Variants in TMEM45A observed in about 807,000 individuals in gnomAD.
TMEM45A encodes transmembrane protein 45A, also known as DNA polymerase-transactivated protein 4.
In TMEM45A, 25 loss-of-function variants were observed where a neutral mutation model predicts 32.0. The observed-to-expected ratio is 0.78, with a 90% confidence interval of 0.57 to 1.09. TMEM45A has a LOEUF of 1.09. Among genes scored for constraint, TMEM45A ranks in the 50% least tolerant of loss-of-function variants. TMEM45A has a pLI of 0.00. For missense variants in TMEM45A, 302 were observed against 325.0 expected, an observed-to-expected ratio of 0.93 and a Z score of 0.54; for synonymous variants, 122 against 114.8, an observed-to-expected ratio of 1.06 and a Z score of -0.40.
rs1010927416 is a variant in TMEM45A, at chr3:100,519,705, G to A, written c.-4+26777G>A. On this transcript the variant is annotated intron_variant, in intron 1 of 5. Coordinates refer to ENST00000323523, the MANE Select transcript of TMEM45A (RefSeq NM_018004.3). ...GACCTAGTTTGAACCTGACTGTACC[G>A]TGTATTTATGACATTGTGCAAGTAA... is the stretch of plus-strand genomic sequence containing the variant. 97 of 1,237,492 alleles carry A rather than the reference G, an allele frequency of 7.8e-5. No homozygotes were observed. The Admixed American group carries it at 1.3e-3, about 16-fold the overall frequency. 76.7% of individuals were successfully genotyped at this position (1,237,492 alleles called of 1,614,324 possible).
chr3:100,524,829 C>G (rs1705510391), intron 1 of TMEM45A, among the ~76,000 whole-genome samples: 2 of 152,114 alleles, frequency 1.3e-5, no homozygotes, highest in Non-Finnish European at 2.9e-5. Flanking sequence ...AAATGACAGT[C>G]TTGCTTTTAA....
At chr3:100,545,497 T>A (rs1705964553) in intron 1 of TMEM45A, among the ~76,000 whole-genome samples, 1 of 152,208 alleles carries the variant, frequency 6.6e-6, no homozygotes, top group Non-Finnish European at 1.5e-5. Flanking sequence ...CAATGTCTCC[T>A]GCATGTTCCT....
intron 2 of TMEM45A, 38 bp downstream of exon 2, chr3:100,555,439 G>A (rs1361954317): frequency 2.6e-6 from 4 of 1,536,480 alleles, no homozygotes; most frequent in Admixed American, 2.0e-5. Context: ...TTACCTTTTA[G>A]GTGTTTTCAT....
At chr3:100,518,965 T>A (rs1271253784) in intron 1 of TMEM45A, 1 of 152,770 alleles carries the variant, frequency 6.5e-6, no homozygotes, top group African/African-American at 2.4e-5. Context: ...AATCTGCTAA[T>A]GGTGACTCAG....
chr3:100,572,632 T>C (rs1353066396), intron 5 of TMEM45A: 2 of 152,262 alleles, frequency 1.3e-5, no homozygotes, highest in East Asian at 3.9e-4. Flanking sequence ...ATTTTGTCTT[T>C]TGTTGCCATT....
rs1237955826 is a variant in TMEM45A, at chr3:100,566,838, T to G, written c.589-1984T>G. ...CTTGAAGTCCTTTGCCCATTAAAAT[T>G]TTTTGTTGTTGTTAAGTTTTAGGAA... On this transcript the variant is annotated intron_variant, in intron 4 of 5. Transcript: ENST00000323523. 2.0e-5 allele frequency among the ~76,000 whole-genome samples: 3 copies of G among 152,100 alleles called. No individual in the cohort carries two copies. In the East Asian group the frequency reaches 5.8e-4, roughly 29 times the overall value.
intron 1 of TMEM45A, among the ~76,000 whole-genome samples, chr3:100,554,195 A>T (rs1706167811): frequency 1.3e-5 from 2 of 151,412 alleles, no homozygotes; most frequent in South Asian, 4.2e-4. Context: ...TTTTAATAGC[A>T]GGGACCAAAA....
intron 1 of TMEM45A, among the ~76,000 whole-genome samples, chr3:100,512,196 T>C (rs896120890): frequency 6.6e-6 from 1 of 152,152 alleles, no homozygotes; most frequent in African/African-American, 2.4e-5. Flanking sequence ...ACACCACACC[T>C]ATTTCAAAAT....
chr3:100,537,204 T>C (rs1394054325), intron 1 of TMEM45A, among the ~76,000 whole-genome samples: 2 of 152,078 alleles, frequency 1.3e-5, no homozygotes, highest in Admixed American at 1.3e-4. Flanking sequence ...ATTACAGGCA[T>C]GAGCCACCAT....
intron 1 of TMEM45A, among the ~76,000 whole-genome samples, chr3:100,498,789 ATCCTAC>A (rs1707970276): frequency 6.6e-6 from 1 of 152,194 alleles, no homozygotes; most frequent in Non-Finnish European, 1.5e-5. Flanking sequence ...TTGAGGAACC[ATCCTAC>A]TGTTTTTTCA....
intron 4 of TMEM45A, 144 bp downstream of exon 4, chr3:100,558,733 T>G: frequency 2.3e-6 from 2 of 885,282 alleles, no homozygotes; most frequent in Admixed American, 2.5e-5. Context: ...TGATGTTTCT[T>G]TGAGTGTCCC....
chr3:100,574,587 A>C (rs1427112608), intron 5 of TMEM45A: 3 of 152,352 alleles, frequency 2.0e-5, no homozygotes, highest in Non-Finnish European at 4.4e-5. Context: ...AAGAATTTTT[A>C]CAGCCCGTCG....
At chr3:100,503,082 T>C (rs1013083209) in intron 1 of TMEM45A, among the ~76,000 whole-genome samples, 5 of 151,206 alleles carry the variant, frequency 3.3e-5, no homozygotes, top group South Asian at 2.1e-4. Flanking sequence ...TCCTCCTCCT[T>C]CTTCCTCTTC....
intron 1 of TMEM45A, among the ~76,000 whole-genome samples, chr3:100,530,933 A>G (rs1705635127): frequency 6.6e-6 from 1 of 152,164 alleles, no homozygotes; most frequent in Non-Finnish European, 1.5e-5. Context: ...TATAATTTAA[A>G]TGTTCCTTTG....
At chr3:100,513,170 A>C (rs771915293) in intron 1 of TMEM45A, among the ~76,000 whole-genome samples, 62,991 of 138,276 alleles carry the variant, frequency 0.46, 16,355 homozygotes, top group African/African-American at 0.73. Context: ...GAGACACAAC[A>C]AAAAAAGAGA....
rs1229928164 is a variant in TMEM45A at position 100,539,484 on chromosome 3, TGTATATGTATAC to T, written c.-3-15719_-3-15708del. Among the ~76,000 whole-genome samples, 1,069 of 111,996 alleles carry T rather than the reference TGTATATGTATAC, an allele frequency of 9.5e-3. 16 individuals are homozygous for T. The highest frequency in any genetic ancestry group is 0.029 in the African/African-American group (970 of 33,084). 73.5% of individuals were successfully genotyped at this position (111,996 alleles called of 152,430 possible). A position where few individuals can be genotyped will look rare whatever the true frequency, so the allele number is the denominator to read the frequency against. Reference sequence around the variant, plus strand: ...ATGTATATGTATATGTATATGTATATGTATATGTATACGTATACGTATACGTATACGTATATG... The same window carrying T: ...ATGTATATGTATATGTATATGTATATGTATACGTATACGTATACGTATATG... On this transcript the variant is annotated intron_variant, in intron 1 of 5. Transcript: ENST00000323523.
chr3:100,573,758 T>C (rs547986079), intron 5 of TMEM45A: 2 of 152,338 alleles, frequency 1.3e-5, no homozygotes, highest in East Asian at 3.9e-4. Context: ...GCTTTTATTA[T>C]TTTGAGATAC....
chr3:100,503,354 C>G (rs1044054912), intron 1 of TMEM45A, among the ~76,000 whole-genome samples: 61 of 152,126 alleles, frequency 4.0e-4, no homozygotes, highest in Non-Finnish European at 6.9e-4. Context: ...ATCCGCCCAC[C>G]TCAGCCTCCC....
intron 1 of TMEM45A, among the ~76,000 whole-genome samples, chr3:100,507,641 T>C (rs558845715): frequency 2.0e-5 from 3 of 152,270 alleles, no homozygotes; most frequent in East Asian, 3.9e-4. Context: ...AGAGTTGGGA[T>C]GCAGGGATGA....
Sources: allele counts gnomAD v4.1 joint callset (sites outside exome capture counted in the v4.1 genomes callset), GRCh38; gene constraint gnomAD v4.1.1; transcripts MANE v1.5; gene names NCBI Gene and HGNC (gene_info 2026-07-23, HGNC 2026-07-21).